FAM107A: variants seen among roughly 807,000 people sequenced by gnomAD.
FAM107A encodes actin-associated protein FAM107A.
A neutral mutation model predicts 13.7 loss-of-function variants in FAM107A; 19 were observed. The ratio of observed to expected loss-of-function variants is 1.38; its 90% CI spans 0.97 to 2.03. FAM107A has a LOEUF of 2.03. FAM107A is among the 30% of genes most tolerant of loss of function. The probability of loss-of-function intolerance (pLI) is 0.00; values close to 1 mark genes in which losing one functional copy is unlikely to be tolerated. For missense variants in FAM107A, 203 were observed against 184.4 expected (o/e 1.10, Z -0.58); for synonymous variants, 82 against 74.5 (o/e 1.10, Z -0.52).
Position 58,566,166 on chromosome 3 carries a change from G to T in FAM107A, c.*422C>A, listed in dbSNP as rs7614536. 0.12 allele frequency: 19,051 copies of T among 158,548 alleles called. 2,139 individuals are homozygous for T. The highest frequency in any genetic ancestry group is 0.28 in the African/African-American group (11,742 of 41,752). The allele number at this position is 158,548 out of a possible 1,614,324, so 9.8% of individuals were successfully genotyped here. ...GCTGGCTGCAGGTAAAACCACAGGT[G>T]GGGGAGTTCTCTGAGACCTAGGAGC... On this transcript the variant is annotated 3_prime_UTR_variant, in exon 4 of 4. Coordinates refer to ENST00000360997, the MANE Select transcript of FAM107A (RefSeq NM_001076778.3).
exon 1 of FAM107A, chr3:58,587,000 G>T: frequency 2.1e-6 from 3 of 1,446,062 alleles, no homozygotes; most frequent in Non-Finnish European, 2.7e-6. Context: ...CAGGAGCGTA[G>T]TCCGGAGCCG....
At chr3:58,621,050 G>A (rs147478011) in intron 1 of FAM107A, among the ~76,000 whole-genome samples, 5 of 152,298 alleles carry the variant, frequency 3.3e-5, no homozygotes, top group African/African-American at 1.2e-4. Flanking sequence ...AGGTGGGAGT[G>A]AAGGAGGTGG....
At chr3:58,602,375 A>G (rs1411455055) in intron 1 of FAM107A, among the ~76,000 whole-genome samples, 8 of 152,208 alleles carry the variant, frequency 5.3e-5, no homozygotes, top group Admixed American at 5.2e-4. Context: ...GGGAGTGTTG[A>G]TAGTACAGGT....
At chr3:58,597,454 T>C (rs979393633) in intron 1 of FAM107A, among the ~76,000 whole-genome samples, 20 of 152,164 alleles carry the variant, frequency 1.3e-4, no homozygotes, top group Non-Finnish European at 2.4e-4. Context: ...GCTCAGGGTA[T>C]TTGTCCTTAA....
chr3:58,570,505 T>A (rs1475559850), intron 1 of FAM107A: 1 of 361,774 alleles, frequency 2.8e-6, no homozygotes, highest in Non-Finnish European at 3.8e-6. Flanking sequence ...TCTGTCAGTT[T>A]ACTTAAAATT....
chr3:58,582,780 T>A (rs903792624), intron 1 of FAM107A, among the ~76,000 whole-genome samples: 1 of 152,186 alleles, frequency 6.6e-6, no homozygotes, highest in African/African-American at 2.4e-5. Context: ...TTTTGATAAC[T>A]CACTTAAGAG....
At chr3:58,574,592 T>C (rs1333236179) in intron 1 of FAM107A, among the ~76,000 whole-genome samples, 1 of 152,148 alleles carries the variant, frequency 6.6e-6, no homozygotes, top group Non-Finnish European at 1.5e-5. Flanking sequence ...GCTGTGAAGA[T>C]TGGATGAGCT....
chr3:58,567,053 A>G (rs2063629003), intron 3 of FAM107A, 155 bp downstream of exon 3: 1 of 906,910 alleles, frequency 1.1e-6, no homozygotes, highest in South Asian at 1.5e-5. Flanking sequence ...AGCAAAGTGA[A>G]TGGCAGAGGG....
intron 1 of FAM107A, among the ~76,000 whole-genome samples, chr3:58,626,060 A>C (rs1176722428): frequency 6.6e-6 from 1 of 152,210 alleles, no homozygotes; most frequent in Non-Finnish European, 1.5e-5. Context: ...AGAGGGGTTC[A>C]GGTCATCGCC....
chr3:58,595,307 C>T (rs1421961891), intron 1 of FAM107A, among the ~76,000 whole-genome samples: 1 of 152,174 alleles, frequency 6.6e-6, no homozygotes, highest in East Asian at 1.9e-4. Flanking sequence ...ATCATATCCC[C>T]TGTGACCTGC....
chr3:58,620,396 A>G (rs961371868), intron 1 of FAM107A, among the ~76,000 whole-genome samples: 3 of 152,184 alleles, frequency 2.0e-5, no homozygotes, highest in African/African-American at 7.2e-5. Context: ...CGGTTCTGAG[A>G]CAAGCTTGCC....
At chr3:58,592,193 C>G (rs2065659690) in intron 1 of FAM107A, among the ~76,000 whole-genome samples, 1 of 152,160 alleles carries the variant, frequency 6.6e-6, no homozygotes, top group Admixed American at 6.5e-5. Flanking sequence ...AAGAAAATTT[C>G]AAGACATAGA....
chr3:58,566,985 A>T (rs1310894579), intron 3 of FAM107A: 1 of 619,414 alleles, frequency 1.6e-6, no homozygotes, highest in African/African-American at 1.8e-5. Context: ...ATCAGCATGC[A>T]GTACACTGGG....
intron 1 of FAM107A, among the ~76,000 whole-genome samples, chr3:58,612,292 G>A (rs1315378045): frequency 6.6e-6 from 1 of 152,158 alleles, no homozygotes; most frequent in East Asian, 1.9e-4. Flanking sequence ...CATGAAAAAT[G>A]TCTTGGGCTG....
Position 58,569,688 on chromosome 3 carries a change from T to A in FAM107A, c.170+3A>T. ...GGCCCAGGCAGCAGGGCTTCATCCC[T>A]ACCTTCTGTGGTTCATGAGCAGCTC... On this transcript the variant is annotated splice_donor_region_variant and intron_variant, in intron 2 of 3. Coordinates refer to ENST00000360997, the MANE Select transcript of FAM107A (RefSeq NM_001076778.3). The surrounding 1 kb of genome is among the most constrained non-coding windows in gnomAD (Gnocchi z 5.7). 6.2e-7 allele frequency: 1 copy of A among 1,611,536 alleles called. No individual in the cohort carries two copies.
At chr3:58,595,108 A>T (rs2108067334) in intron 1 of FAM107A, among the ~76,000 whole-genome samples, 1 of 151,890 alleles carries the variant, frequency 6.6e-6, no homozygotes, top group East Asian at 1.9e-4. Context: ...CTTCAGTTTA[A>T]TCTCTCCCAC....
At chr3:58,611,675 C>T (rs532741580) in intron 1 of FAM107A, among the ~76,000 whole-genome samples, 74 of 152,290 alleles carry the variant, frequency 4.9e-4, no homozygotes, top group African/African-American at 1.6e-3. Context: ...AGTTCTGGGA[C>T]GGCTGCCTGG....
rs1410922512 is a variant in FAM107A, at chr3:58,604,157, G to T, written c.-69-14888C>A. 6.6e-6 allele frequency among the ~76,000 whole-genome samples: 1 copy of T among 151,700 alleles called. No homozygotes were observed. On this transcript the variant is annotated intron_variant, in intron 1 of 3. Coordinates refer to the FAM107A transcript ENST00000465970. The surrounding 1 kb of genome is among the most constrained non-coding windows in gnomAD (Gnocchi z 4.1). The stretch of plus-strand genomic sequence containing the variant: ...AAAAAGCCTTTGTGTTTCTGTAAAG[G>T]TCCCTGAAGATTGTACTCTCGGTGG...
intron 1 of FAM107A, among the ~76,000 whole-genome samples, chr3:58,584,771 C>T (rs1188647769): frequency 6.6e-6 from 1 of 152,172 alleles, no homozygotes; most frequent in African/African-American, 2.4e-5. Flanking sequence ...TAACTTCACT[C>T]CATCCTCTTC....
Sources: allele counts gnomAD v4.1 joint callset (sites outside exome capture counted in the v4.1 genomes callset), GRCh38; gene constraint gnomAD v4.1.1; non-coding constraint Gnocchi (gnomAD v3.1); transcripts MANE v1.5; gene names NCBI Gene and HGNC (gene_info 2026-07-23, HGNC 2026-07-21).